The following PHF3 variants were observed in gnomAD, a reference collection of about 807,000 sequenced individuals.
PHF3 encodes PHD finger protein 3.
A neutral mutation model predicts 178.4 loss-of-function variants in PHF3; 41 were observed. The ratio of observed to expected loss-of-function variants is 0.23; its 90% CI spans 0.18 to 0.30. The LOEUF is 0.30. PHF3 is among the 10% of genes least tolerant of loss of function. PHF3 has a pLI of 1.00. For synonymous variants in PHF3, 842 were observed against 800.5 expected (o/e 1.05, Z -0.88); for missense variants, 2,346 against 2,398.1 (o/e 0.98, Z 0.45).
chr6:63,654,637 T>C (rs1465164363), intron 2 of PHF3, among the ~76,000 whole-genome samples: 4 of 152,134 alleles, frequency 2.6e-5, no homozygotes, highest in Admixed American at 2.6e-4. Context: ...GCCATAGATA[T>C]TTGGAAGTTT....
At chr6:63,695,467 A>C (rs913022543) in intron 6 of PHF3, among the ~76,000 whole-genome samples, 1 of 152,208 alleles carries the variant, frequency 6.6e-6, no homozygotes, top group African/African-American at 2.4e-5. Context: ...CAGTTTTACT[A>C]GTAATTCTTT....
intron 15 of PHF3, 76 bp from the exon 16 acceptor site, chr6:63,711,481 GGCCAGGCACCATTTAATATCCTGTAATAA>G: frequency 7.5e-7 from 1 of 1,340,444 alleles, no homozygotes; most frequent in Non-Finnish European, 1.0e-6. Flanking sequence ...GGCTTGACAG[GGCCAGGCACCATTTAATATCCTGTAATAA>G]GTTAGAGGCA....
rs1156959500 is a variant in PHF3, at chr6:63,685,945, A to G, written c.2189+34A>G. 6 of 1,475,558 alleles carry G rather than the reference A, an allele frequency of 4.1e-6. No individual in the cohort carries two copies. The South Asian group carries it at 6.1e-5, about 15-fold the overall frequency. The allele number at this position is 1,475,558 out of a possible 1,614,324, so 91.4% of individuals were successfully genotyped here. On this transcript the variant is annotated intron_variant, in intron 4 of 15. Transcript: ENST00000262043. ...GTATGTGTGTATGAGTGATGTGTACATTGAAAATAAATTGCTTTTTTGGGG... is the reference window on the plus strand; with the variant it reads ...GTATGTGTGTATGAGTGATGTGTACGTTGAAAATAAATTGCTTTTTTGGGG...
intron 2 of PHF3, among the ~76,000 whole-genome samples, chr6:63,671,037 G>C (rs1765892509): frequency 6.6e-6 from 1 of 151,594 alleles, no homozygotes; most frequent in Admixed American, 6.6e-5. Context: ...GCCTAGTTGG[G>C]AATTGACTTA....
intron 13 of PHF3, 68 bp downstream of exon 13, chr6:63,706,944 G>A: frequency 1.5e-6 from 2 of 1,365,210 alleles, no homozygotes; most frequent in South Asian, 1.2e-5. Flanking sequence ...TAATTGACAG[G>A]GAAATAAGAC....
intron 2 of PHF3, among the ~76,000 whole-genome samples, chr6:63,674,018 A>G (rs72884666): frequency 6.6e-6 from 1 of 152,226 alleles, no homozygotes; most frequent in Non-Finnish European, 1.5e-5. Context: ...TTGCTCTTTT[A>G]TAGAAGCTCT....
In PHF3 at chr6:63,712,318, C is replaced by T. The variant is rs267601097; in HGVS notation, c.4730C>T (p.Ser1577Leu). 1 of 1,612,928 alleles carries T rather than the reference C, an allele frequency of 6.2e-7. No individual in the cohort carries two copies. The highest frequency in any genetic ancestry group is 8.5e-7 in the Non-Finnish European group (1 of 1,179,670). Residue 1577 changes from serine (S) to leucine (L), a missense_variant, in exon 16 of 16, where the codon TCA becomes TTA. Ser to Leu is a moderately radical substitution (Grantham distance 145). Around this residue, in one of 8 missense-constraint regions of PHF3, gnomAD observed 839 missense variants for 806.9 expected, o/e 1.04. Transcript: ENST00000262043. ...VSTEAFLTNL[S>L]IQSKQEETVE... ...ACAGAAGCATTTTTAACAAATTTATCAATTCAGTCAAAACAAGAGGAAACT... is the reference window on the plus strand; with the variant it reads ...ACAGAAGCATTTTTAACAAATTTATTAATTCAGTCAAAACAAGAGGAAACT...
intron 2 of PHF3, among the ~76,000 whole-genome samples, chr6:63,670,571 C>T (rs1354611539): frequency 6.6e-6 from 1 of 152,194 alleles, no homozygotes; most frequent in Non-Finnish European, 1.5e-5. Context: ...CAGGCATGAG[C>T]CACCGTGCCC....
chr6:63,646,288 A>C (rs916737803), intron 1 of PHF3, among the ~76,000 whole-genome samples: 2 of 152,122 alleles, frequency 1.3e-5, no homozygotes, highest in African/African-American at 4.8e-5. Flanking sequence ...GTAAACATTT[A>C]GTAGGATTTC....
At chr6:63,682,361 C>G (rs1269988352) in intron 3 of PHF3, among the ~76,000 whole-genome samples, 3 of 152,062 alleles carry the variant, frequency 2.0e-5, no homozygotes, top group Non-Finnish European at 4.4e-5. Context: ...CCAACACTGC[C>G]AGCCTAGTGT....
Position 63,711,739 on chromosome 6 carries a change from TAGA to T in PHF3, c.4154_4156del (p.Glu1385del). The T allele has an allele frequency of 6.2e-7, 1 of 1,613,754 alleles. No homozygotes were observed. The highest frequency in any genetic ancestry group is 8.5e-7 in the Non-Finnish European group (1 of 1,179,862). On this transcript the variant is annotated inframe_deletion, in exon 16 of 16. Transcript: ENST00000262043. ...TTGCCACCTGATAAAAAAAGTAAAATAGAAGTTTCTACAGAAGAAGCACCAGAG... is the reference window on the plus strand; with the variant it reads ...TTGCCACCTGATAAAAAAAGTAAAATAGTTTCTACAGAAGAAGCACCAGAG...
In PHF3 at chr6:63,712,197, T is replaced by C. The variant is rs774158502; in HGVS notation, c.4609T>C (p.Ser1537Pro). 3 of 1,613,944 alleles carry C rather than the reference T, an allele frequency of 1.9e-6. No individual in the cohort carries two copies. In the South Asian group the frequency reaches 3.3e-5, roughly 18 times the overall value. The change falls in exon 16 of 16, where the codon TCA (serine) becomes CCA (proline). Residue 1537 changes from serine to proline, a missense_variant. This residue lies in a region of PHF3 where 839 missense variants were observed against 806.9 expected (regional missense o/e 1.04). Transcript: ENST00000262043. ...VDNISESTDK[S>P]AEIETSVVGS... ...TAATATTTCAGAATCTACAGATAAG[T>C]CAGCAGAAATAGAAACATCAGTAGT...
chr6:63,672,514 T>G (rs1561955102), intron 2 of PHF3, among the ~76,000 whole-genome samples: 1 of 152,110 alleles, frequency 6.6e-6, no homozygotes, highest in Non-Finnish European at 1.5e-5. Flanking sequence ...AAAAACACTT[T>G]AATACATTTT....
At chr6:63,669,828 A>G (rs1329644470) in intron 2 of PHF3, among the ~76,000 whole-genome samples, 1 of 152,158 alleles carries the variant, frequency 6.6e-6, no homozygotes, top group African/African-American at 2.4e-5. Context: ...AGCAAGATAC[A>G]TTTTACTGCT....
chr6:63,720,843 CTG>C lies in PHF3; in HGVS notation c.*7137_*7138del, dbSNP rs886044149. Reference sequence around the variant, plus strand: ...ATCAATATCCTCGGAAAGAATTAGACTGTTATTTATGTAGGCCTTGATAAGAG... The same window carrying C: ...ATCAATATCCTCGGAAAGAATTAGACTTATTTATGTAGGCCTTGATAAGAG... On this transcript the variant is annotated 3_prime_UTR_variant, in exon 16 of 16. Coordinates refer to ENST00000262043, the MANE Select transcript of PHF3 (RefSeq NM_001370348.2). The C allele has an allele frequency of 7.1e-6, 11 of 1,551,080 alleles. No homozygotes were observed. Among genetic ancestry groups the C allele is most frequent in the African/African-American group, 4.1e-5 (3 of 72,970 alleles).
chr6:63,713,554 G>C lies in PHF3; in HGVS notation c.5966G>C (p.Ser1989Thr), dbSNP rs1400636274. The C allele has an allele frequency of 1.9e-6, 3 of 1,613,488 alleles. No individual in the cohort carries two copies. Among genetic ancestry groups the C allele is most frequent in the South Asian group, 1.1e-5 (1 of 91,064 alleles). Residue 1989 changes from serine (S) to threonine (T), a missense_variant, in exon 16 of 16, where the codon AGT becomes ACT. Ser to Thr is a moderately conservative substitution (Grantham distance 58). Around this residue, in one of 8 missense-constraint regions of PHF3, gnomAD observed 839 missense variants for 806.9 expected, o/e 1.04. Transcript: ENST00000262043. ...RGTDGKASRDSRNVDKKPDKP... is the reference protein window; with the variant it reads ...RGTDGKASRDTRNVDKKPDKP... ...ACAGATGGAAAAGCAAGCAGAGATA[G>C]TAGGAATGTAGACAAGAAGCCAGAT...
chr6:63,675,391 A>G (rs1021281061), intron 2 of PHF3, among the ~76,000 whole-genome samples: 2 of 152,210 alleles, frequency 1.3e-5, no homozygotes, highest in African/African-American at 4.8e-5. Flanking sequence ...TTCCTCTGTT[A>G]TAAAGTTGGC....
At position 63,703,658 on chromosome 6, in the gene PHF3, CA is replaced by C; in HGVS notation, c.3358del (p.Ile1120SerfsTer3). 1 of 1,599,462 alleles carries C rather than the reference CA, an allele frequency of 6.3e-7. No individual in the cohort carries two copies. Among genetic ancestry groups the C allele is most frequent in the Admixed American group, 1.8e-5 (1 of 55,760 alleles). On this transcript the variant is annotated frameshift_variant, in exon 11 of 16. Coordinates refer to ENST00000262043, the MANE Select transcript of PHF3 (RefSeq NM_001370348.2). LOFTEE classifies it high-confidence loss of function. ...GACAGCATCTTTTTGATCTCAACTG[CA>C]AAATCTGCATAGGTAATTGGAAGTT... ...HRQHLFDLNC[K>X]ICIGRMAPPV...
Position 63,721,136 on chromosome 6 carries a change from A to G in PHF3, c.*7428A>G, listed in dbSNP as rs1382650210. 1 of 1,551,478 alleles carries G rather than the reference A, an allele frequency of 6.4e-7. No homozygotes were observed. On this transcript the variant is annotated 3_prime_UTR_variant, in exon 16 of 16. Transcript: ENST00000262043. Reference sequence around the variant, plus strand: ...TTCTATAATTTGGATCAATGTATTTAATGTAAGAATTACCCATAAATTTTG... The same window carrying G: ...TTCTATAATTTGGATCAATGTATTTGATGTAAGAATTACCCATAAATTTTG...
Sources: gnomAD v4.1 joint callset for allele counts (sites outside exome capture counted in the v4.1 genomes callset) on GRCh38, gnomAD v4.1.1 for gene constraint, gnomAD v4.1.1 regional missense constraint, MANE v1.5 for transcripts, NCBI Gene and HGNC (gene_info 2026-07-23, HGNC 2026-07-21) for gene names.